The following PCDH15 variants were observed in gnomAD, a reference collection of about 807,000 sequenced individuals.
PCDH15 encodes the protein protocadherin-15.
PCDH15 carries 129 observed loss-of-function variants against 178.5 expected under a neutral mutation model. The ratio of observed to expected loss-of-function variants is 0.72; its 90% confidence interval spans 0.63 to 0.84. The LOEUF (loss-of-function observed/expected upper bound fraction) is 0.84, where lower values mean the gene tolerates loss of function less well. Ranked by LOEUF, PCDH15 falls within the 40% of genes least tolerant of loss-of-function variation. The pLI is 0.00. For synonymous variants in PCDH15, 800 were observed against 732.0 expected, an observed-to-expected ratio of 1.09 and a Z score of -1.50; for missense variants, 2,230 against 2,099.9, an observed-to-expected ratio of 1.06 and a Z score of -1.21.
intron 1 of PCDH15, among the ~76,000 whole-genome samples, chr10:55,195,960 C>T (rs1160196054): frequency 1.3e-5 from 2 of 152,056 alleles, no homozygotes; most frequent in Non-Finnish European, 2.9e-5. Flanking sequence ...AGAGTTGCAG[C>T]ATATCACTGA....
chr10:54,294,299 C>T (rs558647863), intron 8 of PCDH15, among the ~76,000 whole-genome samples: 1 of 150,898 alleles, frequency 6.6e-6, no homozygotes, highest in African/African-American at 2.4e-5. Flanking sequence ...GAACATCACA[C>T]ACTGGGGCCT....
At chr10:54,123,238 A>G (rs1423825479) in intron 15 of PCDH15, among the ~76,000 whole-genome samples, 2 of 152,152 alleles carry the variant, frequency 1.3e-5, no homozygotes, top group Non-Finnish European at 2.9e-5. Context: ...CAGATAACCT[A>G]CAGAACAGGA....
chr10:54,682,355 C>A (rs538050999), intron 1 of PCDH15, among the ~76,000 whole-genome samples: 5 of 152,198 alleles, frequency 3.3e-5, no homozygotes, highest in South Asian at 2.1e-4. Flanking sequence ...CTGTTGTATT[C>A]ACCACCACTT....
intron 8 of PCDH15, among the ~76,000 whole-genome samples, chr10:54,295,512 T>C (rs959904701): frequency 2.0e-5 from 3 of 152,180 alleles, no homozygotes; most frequent in Admixed American, 2.0e-4. Flanking sequence ...TTAAGAGCTG[T>C]AACACTCACT....
intron 21 of PCDH15, among the ~76,000 whole-genome samples, chr10:53,980,220 CAA>C (rs11393600): frequency 7.3e-6 from 1 of 137,410 alleles, no homozygotes. Context: ...GACTCCATCT[CAA>C]AAAAAAAAAA....
chr10:54,848,105 G>A (rs1953545268), intron 3 of PCDH15, among the ~76,000 whole-genome samples: 1 of 152,140 alleles, frequency 6.6e-6, no homozygotes, highest in South Asian at 2.1e-4. Flanking sequence ...TTAGTCCAGT[G>A]CATTGGCTCA....
chr10:54,827,048 C>T lies in PCDH15; in HGVS notation c.-29+70402G>A, dbSNP rs558528282. Among the ~76,000 whole-genome samples, 4 of 152,152 alleles carry T rather than the reference C, an allele frequency of 2.6e-5. No individual in the cohort carries two copies. In the East Asian group the frequency reaches 7.8e-4, roughly 29 times the overall value. On this transcript the variant is annotated intron_variant, in intron 3 of 5. Transcript: ENST00000458638. Reference sequence around the variant, plus strand: ...TTGAACTTCTGTGCATGCCAGGAACCTGGTTCCAAGTGCACATATGGGAAT... The same window carrying T: ...TTGAACTTCTGTGCATGCCAGGAACTTGGTTCCAAGTGCACATATGGGAAT...
chr10:54,105,317 T>TATAC lies in PCDH15; in HGVS notation c.1918-15255_1918-15254insGTAT, dbSNP rs1233590982. ...ATATATATATATATATATATATATA[T>TATAC]ACACACACACATACATATATATACA... On this transcript the variant is annotated intron_variant, in intron 15 of 37. Coordinates refer to ENST00000644397, the MANE Select transcript of PCDH15 (RefSeq NM_001384140.1). Among the ~76,000 whole-genome samples the TATAC allele has an allele frequency of 5.3e-3, 488 of 91,368 alleles. 2 individuals are homozygous for TATAC. Among genetic ancestry groups the TATAC allele is most frequent in the Middle Eastern group, 8.6e-3 (1 of 116 alleles). 59.9% of individuals were successfully genotyped at this position (91,368 alleles called of 152,430 possible). A position where few individuals can be genotyped will look rare whatever the true frequency, so the allele number is the denominator to read the frequency against.
chr10:53,865,525 A>G (rs2079387357), intron 27 of PCDH15, among the ~76,000 whole-genome samples: 1 of 152,184 alleles, frequency 6.6e-6, no homozygotes, highest in African/African-American at 2.4e-5. Context: ...TAAACACCAC[A>G]TGTTCTTATT....
At chr10:54,748,052 GC>G (rs1329071525) in intron 1 of PCDH15, among the ~76,000 whole-genome samples, 3 of 151,646 alleles carry the variant, frequency 2.0e-5, no homozygotes, top group Non-Finnish European at 4.4e-5. Context: ...TGATCCACCC[GC>G]CCCCGCCTCC....
chr10:54,121,195 T>TTTTTTTTTTTTTTTTTAG (rs1468310840), intron 15 of PCDH15, among the ~76,000 whole-genome samples: 9 of 151,988 alleles, frequency 5.9e-5, no homozygotes, highest in African/African-American at 1.2e-4. Context: ...GAGTGACTTT[T>TTTTTTTTTTTTTTTTTAG]AAGTAAACAA....
chr10:55,473,114 A>G (rs971206836), intron 2 of PCDH15, among the ~76,000 whole-genome samples: 2 of 152,202 alleles, frequency 1.3e-5, no homozygotes, highest in African/African-American at 4.8e-5. Context: ...AATGGAAAAC[A>G]AACTTAACAG....
intron 2 of PCDH15, among the ~76,000 whole-genome samples, chr10:54,548,350 A>ATAT (rs1274855950): frequency 6.7e-6 from 1 of 148,338 alleles, no homozygotes; most frequent in Admixed American, 6.8e-5. Context: ...TATGTCATCC[A>ATAT]TATATGTGAA....
intron 3 of PCDH15, among the ~76,000 whole-genome samples, chr10:54,421,885 C>CACTATATATATAT: frequency 4.3e-5 from 1 of 22,996 alleles, no homozygotes; most frequent in African/African-American, 2.6e-4. Context: ...TATATATATA[C>CACTATATATATAT]ACACACACAC....
intron 30 of PCDH15, 104 bp from the exon 31 acceptor site, chr10:53,828,677 C>T (rs988070274): frequency 1.8e-5 from 17 of 966,644 alleles, no homozygotes; most frequent in African/African-American, 4.9e-5. Context: ...ATAATTTATA[C>T]GTTAAATTCA....
At chr10:54,478,854 A>G (rs1024806299) in intron 3 of PCDH15, among the ~76,000 whole-genome samples, 4 of 152,132 alleles carry the variant, frequency 2.6e-5, no homozygotes, top group South Asian at 4.1e-4. Flanking sequence ...AAATGGTAAC[A>G]TATTGTGTTG....
chr10:54,216,322 G>C (rs937234895), intron 9 of PCDH15, among the ~76,000 whole-genome samples: 2 of 152,002 alleles, frequency 1.3e-5, no homozygotes, highest in African/African-American at 4.8e-5. Context: ...TGGGCGTGAT[G>C]GCGCACGCCT....
At chr10:54,976,392 G>A (rs1374913371) in intron 2 of PCDH15, among the ~76,000 whole-genome samples, 5 of 152,102 alleles carry the variant, frequency 3.3e-5, no homozygotes, top group African/African-American at 1.2e-4. Context: ...AGAAGAAGGA[G>A]TTTTACTCAA....
chr10:55,417,360 A>G (rs1255843879), intron 2 of PCDH15, among the ~76,000 whole-genome samples: 2 of 151,738 alleles, frequency 1.3e-5, no homozygotes, highest in Non-Finnish European at 3.0e-5. Context: ...TTGGGACTGA[A>G]GGTAGGAAAA....
Sources: gnomAD v4.1 joint callset for allele counts (sites outside exome capture counted in the v4.1 genomes callset) on GRCh38, gnomAD v4.1.1 for gene constraint, MANE v1.5 for transcripts, NCBI Gene and HGNC (gene_info 2026-07-23, HGNC 2026-07-21) for gene names.